Variants in ZNF385D observed in about 807,000 individuals in gnomAD.
The protein encoded by ZNF385D is zinc finger protein 385D.
Under a neutral mutation model 35.8 loss-of-function variants are expected in ZNF385D, and 15 were observed. The observed-to-expected ratio is 0.42, with a 90% CI of 0.28 to 0.64. The LOEUF is 0.64. Ranked by LOEUF, ZNF385D falls within the 30% of genes least tolerant of loss-of-function variation. ZNF385D has a pLI of 0.23. For synonymous variants in ZNF385D, 212 were observed against 186.8 expected (o/e 1.13, Z -1.10); for missense variants, 474 against 494.6 (o/e 0.96, Z 0.39).
Position 21,917,324 on chromosome 3 carries a change from C to T in ZNF385D, c.325+251493G>A, listed in dbSNP as rs566147994. Among the ~76,000 whole-genome samples, 6 of 152,210 alleles carry T rather than the reference C, an allele frequency of 3.9e-5. No individual in the cohort carries two copies. The East Asian group carries it at 9.7e-4, about 25-fold the overall frequency. ...CGGCACTCCTGTAATCCCAGCTACTCAGAAAGCCGAGGCAAGAGAATCGCT... is the reference window on the plus strand; with the variant it reads ...CGGCACTCCTGTAATCCCAGCTACTTAGAAAGCCGAGGCAAGAGAATCGCT... On this transcript the variant is annotated intron_variant, in intron 3 of 5. Transcript: ENST00000494108.
chr3:21,743,660 G>A (rs889509447), intron 1 of ZNF385D, among the ~76,000 whole-genome samples: 1 of 152,106 alleles, frequency 6.6e-6, no homozygotes, highest in Non-Finnish European at 1.5e-5. Flanking sequence ...CATCCTGAGG[G>A]TTCCACCCAA....
intron 3 of ZNF385D, among the ~76,000 whole-genome samples, chr3:22,156,948 G>C (rs1042915548): frequency 6.6e-6 from 1 of 152,062 alleles, no homozygotes; most frequent in African/African-American, 2.4e-5. Context: ...ACAAGTTCCA[G>C]ATCTCCCACA....
chr3:21,552,478 G>A (rs2125602207), intron 3 of ZNF385D, among the ~76,000 whole-genome samples: 1 of 152,160 alleles, frequency 6.6e-6, no homozygotes, highest in Admixed American at 6.5e-5. Flanking sequence ...TTTCAATTCT[G>A]CAATGATTGT....
At chr3:21,566,005 T>G (rs554126600) in intron 2 of ZNF385D, among the ~76,000 whole-genome samples, 18 of 152,338 alleles carry the variant, frequency 1.2e-4, no homozygotes, top group African/African-American at 4.3e-4. Context: ...CTCTCTTCAC[T>G]GGAAGGAAGG....
chr3:21,679,273 T>C lies in ZNF385D; in HGVS notation c.23-14245A>G, dbSNP rs78228634. 8.8e-4 allele frequency among the ~76,000 whole-genome samples: 134 copies of C among 152,234 alleles called. 1 individual carries two copies. The East Asian group carries it at 0.022, about 25-fold the overall frequency. On this transcript the variant is annotated intron_variant, in intron 1 of 7. Coordinates refer to ENST00000281523, the MANE Select transcript of ZNF385D (RefSeq NM_024697.3). ...CTATAGTAACTATTCTTAATGTCTTTTTTACTCATTTTTTATCAAAATGAT... is the reference window on the plus strand; with the variant it reads ...CTATAGTAACTATTCTTAATGTCTTCTTTACTCATTTTTTATCAAAATGAT...
intron 2 of ZNF385D, among the ~76,000 whole-genome samples, chr3:22,195,995 G>A (rs1361742129): frequency 6.6e-6 from 1 of 151,980 alleles, no homozygotes; most frequent in Non-Finnish European, 1.5e-5. Context: ...GCACATAGAG[G>A]AGAACAATAC....
intron 3 of ZNF385D, among the ~76,000 whole-genome samples, chr3:21,799,390 G>A (rs888513919): frequency 6.6e-6 from 1 of 152,152 alleles, no homozygotes; most frequent in African/African-American, 2.4e-5. Context: ...CCAGCAATGT[G>A]TAAGCGTTCC....
At chr3:22,181,938 C>T (rs926687459) in intron 2 of ZNF385D, among the ~76,000 whole-genome samples, 1 of 152,064 alleles carries the variant, frequency 6.6e-6, no homozygotes, top group East Asian at 1.9e-4. Flanking sequence ...TAGTCTCTGG[C>T]CAACAACCAG....
intron 3 of ZNF385D, among the ~76,000 whole-genome samples, chr3:22,030,678 C>G (rs1223977303): frequency 1.3e-5 from 2 of 152,012 alleles, no homozygotes; most frequent in African/African-American, 4.8e-5. Context: ...TGACACAAAG[C>G]CAAACCATAT....
chr3:21,684,412 T>TCTC (rs1251837057), intron 1 of ZNF385D, among the ~76,000 whole-genome samples: 1 of 84,152 alleles, frequency 1.2e-5, no homozygotes, highest in Non-Finnish European at 2.6e-5. Context: ...CTCCTCTCTC[T>TCTC]CTCTCTCTCT....
chr3:21,502,060 G>C (rs931497758), intron 4 of ZNF385D, among the ~76,000 whole-genome samples: 1 of 152,142 alleles, frequency 6.6e-6, no homozygotes, highest in African/African-American at 2.4e-5. Context: ...TGTTGCTTTG[G>C]TATGCTGATT....
intron 3 of ZNF385D, among the ~76,000 whole-genome samples, chr3:22,040,641 A>G (rs113161084): frequency 5.1e-4 from 78 of 152,308 alleles, no homozygotes; most frequent in Middle Eastern, 3.4e-3. Flanking sequence ...GGACATGGTA[A>G]AGAATTATGG....
intron 2 of ZNF385D, among the ~76,000 whole-genome samples, chr3:22,329,542 A>G (rs929004984): frequency 2.6e-5 from 4 of 152,206 alleles, no homozygotes; most frequent in Admixed American, 6.5e-5. Context: ...TTGATGCTAC[A>G]TATACCTAAT....
At chr3:22,008,644 C>A (rs1696373566) in intron 3 of ZNF385D, among the ~76,000 whole-genome samples, 1 of 152,204 alleles carries the variant, frequency 6.6e-6, no homozygotes, top group Non-Finnish European at 1.5e-5. Flanking sequence ...GCGTGAGCCA[C>A]CGCGCCCAGC....
intron 2 of ZNF385D, among the ~76,000 whole-genome samples, chr3:22,319,166 T>G (rs1559517425): frequency 6.6e-6 from 1 of 152,070 alleles, no homozygotes; most frequent in Non-Finnish European, 1.5e-5. Context: ...TAGAAGCACA[T>G]GGGGGAAAAA....
intron 3 of ZNF385D, among the ~76,000 whole-genome samples, chr3:21,864,990 C>CTTTTTTTTTTTTT (rs3073906): frequency 8.9e-6 from 1 of 112,176 alleles, no homozygotes; most frequent in Non-Finnish European, 1.7e-5. Context: ...TGGAACAATG[C>CTTTTTTTTTTTTT]TTTTTTTTTT....
chr3:21,798,850 C>T (rs1204534692), intron 3 of ZNF385D, among the ~76,000 whole-genome samples: 2 of 152,076 alleles, frequency 1.3e-5, no homozygotes, highest in African/African-American at 4.8e-5. Flanking sequence ...ATGTACAATT[C>T]AGTAGCATTT....
At position 21,761,591 on chromosome 3, in the gene ZNF385D, G is replaced by A. The variant is rs570878840; in HGVS notation, c.326-96563C>T. Among the ~76,000 whole-genome samples the A allele has an allele frequency of 1.1e-4, 17 of 152,244 alleles. No individual in the cohort carries two copies. In the South Asian group the frequency reaches 1.7e-3, roughly 15 times the overall value. On this transcript the variant is annotated intron_variant, in intron 3 of 5. Transcript: ENST00000494108. ...TGCAAGAACCAACATAGAGAGGTGA[G>A]AGAAGTAATACAGTCTCATAGGATG... is the stretch of plus-strand genomic sequence containing the variant.
At chr3:22,095,267 A>T (rs1408165780) in intron 3 of ZNF385D, among the ~76,000 whole-genome samples, 1 of 151,610 alleles carries the variant, frequency 6.6e-6, no homozygotes, top group Admixed American at 6.6e-5. Flanking sequence ...TCTCAGTATA[A>T]ATCGTTTTAT....
Sources: gnomAD v4.1 joint callset for allele counts (sites outside exome capture counted in the v4.1 genomes callset) on GRCh38, gnomAD v4.1.1 for gene constraint, MANE v1.5 for transcripts, NCBI Gene and HGNC (gene_info 2026-07-23, HGNC 2026-07-21) for gene names.